The following HHAT variants were observed in gnomAD, a reference collection of about 807,000 sequenced individuals.
The protein encoded by HHAT is protein-cysteine N-palmitoyltransferase HHAT.
Under a neutral mutation model 70.8 loss-of-function variants are expected in HHAT, and 47 were observed. The observed-to-expected ratio is 0.66, with a 90% CI of 0.53 to 0.85. The LOEUF (loss-of-function observed/expected upper bound fraction) is 0.85, where lower values mean the gene tolerates loss of function less well. Among genes scored for constraint, HHAT ranks in the 40% least tolerant of loss-of-function variants. HHAT has a pLI of 0.00. For synonymous variants in HHAT, 228 were observed against 247.6 expected, an observed-to-expected ratio of 0.92 and a Z score of 0.74; for missense variants, 609 against 604.8, an observed-to-expected ratio of 1.01 and a Z score of -0.07.
chr1:210,486,441 A>T (rs1177231360), intron 8 of HHAT, among the ~76,000 whole-genome samples: 1 of 152,216 alleles, frequency 6.6e-6, no homozygotes, highest in Non-Finnish European at 1.5e-5. Context: ...TGCTATTCAC[A>T]TTATTAATAA....
At chr1:210,630,121 G>A (rs1203744046) in intron 11 of HHAT, among the ~76,000 whole-genome samples, 3 of 152,156 alleles carry the variant, frequency 2.0e-5, no homozygotes, top group Non-Finnish European at 4.4e-5. Context: ...GATTACAGGC[G>A]TGAGCCACCG....
chr1:210,338,422 G>A (rs901890122), intron 1 of HHAT, among the ~76,000 whole-genome samples: 17 of 152,188 alleles, frequency 1.1e-4, no homozygotes, highest in Admixed American at 9.2e-4. Flanking sequence ...TTTGGATGGA[G>A]TAGATGGCAT....
At chr1:210,535,069 G>A (rs1463637880) in intron 9 of HHAT, among the ~76,000 whole-genome samples, 2 of 152,132 alleles carry the variant, frequency 1.3e-5, no homozygotes, top group Non-Finnish European at 2.9e-5. Flanking sequence ...TCTGCTTTTT[G>A]TAGAATTGTT....
At chr1:210,526,755 G>C (rs943068929) in intron 9 of HHAT, among the ~76,000 whole-genome samples, 2 of 152,140 alleles carry the variant, frequency 1.3e-5, no homozygotes, top group African/African-American at 4.8e-5. Flanking sequence ...ATATTAGAGA[G>C]CAGCTTCTGT....
intron 9 of HHAT, among the ~76,000 whole-genome samples, chr1:210,553,814 C>T (rs1348352139): frequency 6.6e-6 from 1 of 152,192 alleles, no homozygotes; most frequent in Admixed American, 6.5e-5. Flanking sequence ...CTTCCCACCT[C>T]TTCCTCTCCC....
At chr1:210,362,610 G>T (rs1435730651) in intron 2 of HHAT, among the ~76,000 whole-genome samples, 1 of 152,190 alleles carries the variant, frequency 6.6e-6, no homozygotes, top group African/African-American at 2.4e-5. Context: ...CTCCTTTGCT[G>T]TCTCCTTTTG....
At chr1:210,416,100 C>A (rs528695018) in intron 6 of HHAT, among the ~76,000 whole-genome samples, 11 of 152,244 alleles carry the variant, frequency 7.2e-5, no homozygotes, top group South Asian at 2.1e-4. Context: ...CTTCTTGTTG[C>A]GGGAGGACAG....
At chr1:210,652,214 A>AAAGG (rs1218931736) in intron 11 of HHAT, among the ~76,000 whole-genome samples, 1 of 152,140 alleles carries the variant, frequency 6.6e-6, no homozygotes. Context: ...AGATAGGAAT[A>AAAGG]AAGGAAGGAA....
chr1:210,454,255 T>C (rs1357378596), intron 7 of HHAT, among the ~76,000 whole-genome samples: 1 of 152,154 alleles, frequency 6.6e-6, no homozygotes, highest in Non-Finnish European at 1.5e-5. Context: ...CATTTTGCCC[T>C]GTGTAAAGCT....
rs184122726 is a variant in HHAT, at chr1:210,504,151, C to G, written c.1008-9002C>G. Among the ~76,000 whole-genome samples, 38 of 152,320 alleles carry G rather than the reference C, an allele frequency of 2.5e-4. No homozygotes were observed. The East Asian group carries it at 7.3e-3, about 29-fold the overall frequency. On this transcript the variant is annotated intron_variant, in intron 8 of 11. Transcript: ENST00000261458. ...AAAGGACTTGTTTCCAGAATACTTA[C>G]AAGGGTAGGAACTTTTCTTGTTCAT...
chr1:210,539,745 G>A (rs1006017804), intron 9 of HHAT, among the ~76,000 whole-genome samples: 6 of 152,158 alleles, frequency 3.9e-5, no homozygotes, highest in African/African-American at 1.4e-4. Context: ...GAGCAGAGAA[G>A]CCACACACAG....
At chr1:210,400,428 TCCTC>T in intron 4 of HHAT, 36 bp from the exon 5 acceptor site, 1 of 1,546,422 alleles carries the variant, frequency 6.5e-7, no homozygotes, top group Non-Finnish European at 8.7e-7. Flanking sequence ...CCTCCCCTCT[TCCTC>T]CCTGTCTCTC....
At chr1:210,506,093 T>C (rs1321431520) in intron 8 of HHAT, among the ~76,000 whole-genome samples, 1 of 152,122 alleles carries the variant, frequency 6.6e-6, no homozygotes, top group East Asian at 1.9e-4. Context: ...CTAGGTGATA[T>C]ACAAACCTCT....
At chr1:210,651,750 T>A (rs947024337) in intron 11 of HHAT, among the ~76,000 whole-genome samples, 1 of 152,150 alleles carries the variant, frequency 6.6e-6, no homozygotes, top group African/African-American at 2.4e-5. Flanking sequence ...TTGCTCAGAA[T>A]TGAGATGCAA....
At chr1:210,632,072 G>A (rs1027023141) in intron 11 of HHAT, among the ~76,000 whole-genome samples, 1 of 152,104 alleles carries the variant, frequency 6.6e-6, no homozygotes, top group Non-Finnish European at 1.5e-5. Context: ...CCCAGCTGCC[G>A]GTGGCTGCCC....
At position 210,675,297 on chromosome 1, in the gene HHAT, C is replaced by T. The variant is rs1680934361; in HGVS notation, c.*918C>T. ...TGATTCAAACAGAGCCTTTTCTGTC[C>T]TGTAGATAATCTACATGTTTGTAGA... On this transcript the variant is annotated 3_prime_UTR_variant, in exon 12 of 12. Coordinates refer to ENST00000261458, the MANE Select transcript of HHAT (RefSeq NM_018194.6). 6.6e-6 allele frequency: 1 copy of T among 152,120 alleles called. No individual in the cohort carries two copies. Among genetic ancestry groups the T allele is most frequent in the Non-Finnish European group, 1.5e-5 (1 of 68,014 alleles). 9.4% of individuals were successfully genotyped at this position (152,120 alleles called of 1,614,324 possible).
intron 2 of HHAT, among the ~76,000 whole-genome samples, chr1:210,360,647 A>G (rs2088188483): frequency 6.6e-6 from 1 of 151,940 alleles, no homozygotes; most frequent in Non-Finnish European, 1.5e-5. Context: ...GCTGTCCAAT[A>G]TTGTACTCGT....
intron 8 of HHAT, among the ~76,000 whole-genome samples, chr1:210,501,944 T>C (rs914675827): frequency 6.6e-6 from 1 of 152,022 alleles, no homozygotes; most frequent in African/African-American, 2.4e-5. Flanking sequence ...TTTGTTAATA[T>C]GTGGGAACCC....
chr1:210,365,321 T>TTTTTC (rs2088826414), intron 3 of HHAT, among the ~76,000 whole-genome samples: 1 of 132,124 alleles, frequency 7.6e-6, no homozygotes, highest in African/African-American at 2.9e-5. Flanking sequence ...TTTTTTTTTT[T>TTTTTC]TTTTTTTTTT....
Sources: allele counts gnomAD v4.1 joint callset (sites outside exome capture counted in the v4.1 genomes callset), GRCh38; gene constraint gnomAD v4.1.1; transcripts MANE v1.5; gene names NCBI Gene and HGNC (gene_info 2026-07-23, HGNC 2026-07-21).